Variants in DCDC2 observed in about 807,000 individuals in gnomAD.
DCDC2 encodes the protein doublecortin domain-containing protein 2.
DCDC2 carries 40 observed loss-of-function variants against 50.2 expected under a neutral mutation model. The ratio of observed to expected loss-of-function variants is 0.80; its 90% CI spans 0.62 to 1.04. DCDC2 has a LOEUF of 1.04. DCDC2 is among the 50% of genes least tolerant of loss of function. DCDC2 has a pLI of 0.00. For synonymous variants in DCDC2, 234 were observed against 210.6 expected, an observed-to-expected ratio of 1.11 and a Z score of -0.96; for missense variants, 570 against 581.9, an observed-to-expected ratio of 0.98 and a Z score of 0.21.
At chr6:24,373,362 AAAT>A in the DCDC2 span, among the ~76,000 whole-genome samples, 1 of 152,276 alleles carries the variant, frequency 6.6e-6, no homozygotes, top group Non-Finnish European at 1.5e-5. Flanking sequence ...ACGGATTAAT[AAAT>A]AATGATACAC....
rs76633657 is a variant in DCDC2, at chr6:24,320,964, A to T, written c.349-18920T>A. Among the ~76,000 whole-genome samples, 209 of 144,168 alleles carry T rather than the reference A, an allele frequency of 1.4e-3. 4 individuals carry two copies. The highest frequency in any genetic ancestry group is 9.2e-3 in the East Asian group (45 of 4,912). The allele number at this position is 144,168 out of a possible 152,430, so 94.6% of individuals were successfully genotyped here. On this transcript the variant is annotated intron_variant, in intron 2 of 9. Transcript: ENST00000378454. ...AGTAATTAAATAAAAAAATTAAAAAAAAAAAAAAAACAGCAGGGCCATACT... is the reference window on the plus strand; with the variant it reads ...AGTAATTAAATAAAAAAATTAAAAATAAAAAAAAAACAGCAGGGCCATACT...
chr6:24,321,156 G>A (rs1162410168), intron 2 of DCDC2, among the ~76,000 whole-genome samples: 1 of 151,182 alleles, frequency 6.6e-6, no homozygotes, highest in East Asian at 1.9e-4. Flanking sequence ...AATAAATGAG[G>A]GCAATTCTTC....
chr6:24,297,423 C>T (rs907722865), intron 4 of DCDC2, among the ~76,000 whole-genome samples: 1 of 152,086 alleles, frequency 6.6e-6, no homozygotes, highest in African/African-American at 2.4e-5. Context: ...ACAAGTTTAC[C>T]TATGCAACTA....
chr6:24,214,265 CCA>C (rs544277189), intron 7 of DCDC2, among the ~76,000 whole-genome samples: 3 of 152,204 alleles, frequency 2.0e-5, no homozygotes, highest in South Asian at 4.1e-4. Context: ...ATTTTAATCA[CCA>C]CAGTTATTTA....
At chr6:24,268,395 G>T (rs1193815551) in intron 7 of DCDC2, among the ~76,000 whole-genome samples, 1 of 152,024 alleles carries the variant, frequency 6.6e-6, no homozygotes, top group African/African-American at 2.4e-5. Context: ...GCTAAGGCAC[G>T]ATAATTGCTT....
intron 7 of DCDC2, among the ~76,000 whole-genome samples, chr6:24,217,328 CAA>C (rs927465108): frequency 6.6e-6 from 1 of 152,144 alleles, no homozygotes; most frequent in Admixed American, 6.5e-5. Context: ...TATGTGTTTT[CAA>C]AAGTTATTGA....
chr6:24,205,330 A>T lies in DCDC2; in HGVS notation c.923-228T>A, dbSNP rs1178810915. On this transcript the variant is annotated intron_variant, in intron 7 of 9. Coordinates refer to ENST00000378454, the MANE Select transcript of DCDC2 (RefSeq NM_016356.5). Reference sequence around the variant, plus strand: ...AAACAAGGCTGACCCAGCAGGGTAAAGTTCTGTCGAAGCTCCTGTTCACCC... The same window carrying T: ...AAACAAGGCTGACCCAGCAGGGTAATGTTCTGTCGAAGCTCCTGTTCACCC... 1.9e-5 allele frequency: 29 copies of T among 1,515,614 alleles called. No individual in the cohort carries two copies. The East Asian group carries it at 6.2e-4, about 32-fold the overall frequency. The allele number at this position is 1,515,614 out of a possible 1,614,324, so 93.9% of individuals were successfully genotyped here.
In DCDC2 at chr6:24,237,009, C is replaced by CA. The variant is rs34576545; in HGVS notation, c.923-31908dup. 6.0e-3 allele frequency among the ~76,000 whole-genome samples: 860 copies of CA among 143,902 alleles called. 7 individuals are homozygous for CA. The highest frequency in any genetic ancestry group is 0.022 in the Admixed American group (317 of 14,618). 94.4% of individuals were successfully genotyped at this position (143,902 alleles called of 152,430 possible). ...GGGCTACAAGAGCAAAGCTCTGACT[C>CA]AAAAAAAAAAAGAAGAAGTGGACAA... On this transcript the variant is annotated intron_variant, in intron 7 of 9. Transcript: ENST00000378454.
intron 2 of DCDC2, among the ~76,000 whole-genome samples, chr6:24,343,197 G>T (rs1443948482): frequency 6.6e-6 from 1 of 151,910 alleles, no homozygotes; most frequent in Non-Finnish European, 1.5e-5. Flanking sequence ...ACAGGCGTCT[G>T]CCACCATGCC....
intron 2 of DCDC2, among the ~76,000 whole-genome samples, chr6:24,352,143 T>C (rs1018804722): frequency 1.6e-4 from 25 of 152,304 alleles, no homozygotes; most frequent in Non-Finnish European, 1.0e-4. Flanking sequence ...TCGATAAATC[T>C]ATTGCACACC....
chr6:24,371,217 C>T, the DCDC2 span, among the ~76,000 whole-genome samples: 1 of 140,918 alleles, frequency 7.1e-6, no homozygotes, highest in Non-Finnish European at 1.5e-5. Flanking sequence ...GCGGAGGTTG[C>T]AGTGAGCCGA....
At chr6:24,221,046 AT>A (rs1762108669) in intron 7 of DCDC2, among the ~76,000 whole-genome samples, 2 of 151,736 alleles carry the variant, frequency 1.3e-5, no homozygotes, top group African/African-American at 4.9e-5. Context: ...GGGGATGACA[AT>A]TTTAGAAGAG....
chr6:24,206,840 A>T (rs955363182), intron 7 of DCDC2, among the ~76,000 whole-genome samples: 1 of 152,350 alleles, frequency 6.6e-6, no homozygotes, highest in East Asian at 1.9e-4. Context: ...CAGTGACACA[A>T]AGAGAATATA....
At chr6:24,196,642 G>A (rs780557360) in intron 8 of DCDC2, among the ~76,000 whole-genome samples, 2 of 152,026 alleles carry the variant, frequency 1.3e-5, no homozygotes, top group Non-Finnish European at 2.9e-5. Context: ...GGCTGGTCTC[G>A]AACACTCCTG....
At chr6:24,334,151 C>G (rs16889092) in intron 2 of DCDC2, among the ~76,000 whole-genome samples, 10,113 of 152,238 alleles carry the variant, frequency 0.066, 438 homozygotes, top group East Asian at 0.16. Context: ...AATGTCTTCA[C>G]TGGAAACTAG....
At chr6:24,220,925 A>AGAGAGT (rs1762105886) in intron 7 of DCDC2, among the ~76,000 whole-genome samples, 1 of 152,126 alleles carries the variant, frequency 6.6e-6, no homozygotes, top group African/African-American at 2.4e-5. Flanking sequence ...CGAGCGAGCG[A>AGAGAGT]GAGCACATGC....
intron 7 of DCDC2, among the ~76,000 whole-genome samples, chr6:24,241,961 C>G (rs1428085691): frequency 6.6e-6 from 1 of 152,082 alleles, no homozygotes; most frequent in Non-Finnish European, 1.5e-5. Context: ...CACTTGAGCC[C>G]AGGAATTTGA....
At chr6:24,276,122 G>C (rs1763351010) in intron 7 of DCDC2, among the ~76,000 whole-genome samples, 2 of 151,786 alleles carry the variant, frequency 1.3e-5, no homozygotes, top group African/African-American at 2.4e-5. Flanking sequence ...ACCCACCTTG[G>C]CCTCTCAAAG....
intron 7 of DCDC2, among the ~76,000 whole-genome samples, chr6:24,214,150 A>G (rs986358660): frequency 2.3e-4 from 35 of 152,318 alleles, no homozygotes; most frequent in African/African-American, 7.9e-4. Flanking sequence ...GTAGTTTGAA[A>G]TATTTGGCTT....
Sources: gnomAD v4.1 joint callset for allele counts (sites outside exome capture counted in the v4.1 genomes callset) on GRCh38, gnomAD v4.1.1 for gene constraint, MANE v1.5 for transcripts, NCBI Gene and HGNC (gene_info 2026-07-23, HGNC 2026-07-21) for gene names.